The following ZFHX3 variants were observed in gnomAD, a reference collection of about 807,000 sequenced individuals.
ZFHX3 encodes the protein zinc finger homeobox protein 3.
In ZFHX3, 42 loss-of-function variants were observed where a neutral mutation model predicts 279.1. The observed-to-expected ratio is 0.15, with a 90% confidence interval of 0.12 to 0.19. ZFHX3 has a LOEUF of 0.19. ZFHX3 is among the 10% of genes least tolerant of loss of function. ZFHX3 has a pLI of 1.00. For synonymous variants in ZFHX3, 2,293 were observed against 1,957.8 expected (o/e 1.17, Z -4.52); for missense variants, 4,981 against 4,754.0 (o/e 1.05, Z -1.40).
chr16:73,683,030 G>T (rs2053043372), intron 1 of ZFHX3, among the ~76,000 whole-genome samples: 1 of 149,638 alleles, frequency 6.7e-6, no homozygotes, highest in Non-Finnish European at 1.5e-5. Context: ...GGGAGGGAGG[G>T]AGAAGGAAGG....
chr16:73,800,834 C>A (rs781244469), intron 1 of ZFHX3, among the ~76,000 whole-genome samples: 8 of 152,142 alleles, frequency 5.3e-5, no homozygotes, highest in Non-Finnish European at 7.3e-5. Context: ...CAGCACCCAT[C>A]CTTCTGTGTG....
intron 3 of ZFHX3, among the ~76,000 whole-genome samples, chr16:72,916,089 A>T (rs998453833): frequency 6.6e-6 from 1 of 152,222 alleles, no homozygotes; most frequent in Admixed American, 6.5e-5. Context: ...TAAAATAATT[A>T]AGAAGATGTT....
In ZFHX3 at chr16:72,787,877, A is replaced by T. The variant is rs2035501430; in HGVS notation, c.10399T>A (p.Cys3467Ser). ...CTGAAGCCCGCCTGGCACTTGCGGC[A>T]GACCAACTTGTACTGCACCTTTGGA... ...IVPKVQYKLV[C>S]RKCQAGFSDE... Residue 3467 changes from cysteine (C) to serine (S), a missense_variant, in exon 10 of 10, where the codon TGC becomes AGC. Physicochemically the swap from Cys to Ser is moderately radical, Grantham distance 112. This residue lies in a region of ZFHX3 where 1,034 missense variants were observed against 786.0 expected (regional missense o/e 1.32). Transcript: ENST00000268489. 6.2e-7 allele frequency: 1 copy of T among 1,614,022 alleles called. No individual in the cohort carries two copies. The highest frequency in any genetic ancestry group is 8.5e-7 in the Non-Finnish European group (1 of 1,180,006).
chr16:73,081,227 T>C (rs1567658913), intron 8 of ZFHX3: 1 of 151,326 alleles, frequency 6.6e-6, no homozygotes, highest in East Asian at 2.0e-4. Flanking sequence ...TTCCATGAGA[T>C]AAATGAGCAA....
Position 72,787,959 on chromosome 16 carries a change from A to G in ZFHX3, c.10317T>C (p.Pro3439=), listed in dbSNP as rs754303070. 11 of 1,610,822 alleles carry G rather than the reference A, an allele frequency of 6.8e-6. No individual in the cohort carries two copies. The highest frequency in any genetic ancestry group is 2.2e-5 in the South Asian group (2 of 90,856). The change falls in exon 10 of 10, where the codon CCT becomes CCC. Residue 3439 remains proline, a synonymous_variant. Coordinates refer to ENST00000268489, the MANE Select transcript of ZFHX3 (RefSeq NM_006885.4). ...TTTTGCTTTCTGCTTCTGGCTCTTC[A>G]GGGAGTTTCGGCAGGAGGGGGGACA... ...REVSPLLPKL[P]EEPEAESKSA... is the part of the protein sequence containing the mutation.
chr16:73,889,685 C>T (rs2142423220), intron 1 of ZFHX3, among the ~76,000 whole-genome samples: 1 of 152,232 alleles, frequency 6.6e-6, no homozygotes, highest in East Asian at 1.9e-4. Flanking sequence ...GCCTACCGGA[C>T]CCCAGTGTAT....
intron 1 of ZFHX3, among the ~76,000 whole-genome samples, chr16:73,004,445 C>T (rs1417038561): frequency 6.7e-6 from 1 of 150,368 alleles, no homozygotes. Context: ...TCTCCTGCCT[C>T]AGCCTCCCAA....
intron 4 of ZFHX3, among the ~76,000 whole-genome samples, chr16:72,846,778 A>G (rs1229768949): frequency 6.6e-6 from 1 of 152,230 alleles, no homozygotes; most frequent in Non-Finnish European, 1.5e-5. Flanking sequence ...AGATACAGAT[A>G]AAATCTCTTT....
intron 5 of ZFHX3, among the ~76,000 whole-genome samples, chr16:73,200,598 G>A (rs1329391430): frequency 1.3e-5 from 2 of 152,164 alleles, no homozygotes; most frequent in Admixed American, 6.5e-5. Context: ...ATGTCAGACT[G>A]TTTACACAGT....
intron 3 of ZFHX3, among the ~76,000 whole-genome samples, chr16:73,416,687 C>T (rs976688916): frequency 6.6e-6 from 1 of 152,114 alleles, no homozygotes; most frequent in East Asian, 1.9e-4. Context: ...TCCTGGCTAA[C>T]ATGGTGAAAC....
chr16:73,787,837 G>T (rs13330531), intron 1 of ZFHX3, among the ~76,000 whole-genome samples: 1,520 of 150,154 alleles, frequency 0.01, 21 homozygotes, highest in African/African-American at 0.036. Flanking sequence ...GTGTGTGTGT[G>T]TGTGTGTGTG....
chr16:73,795,314 G>A (rs1468003808), intron 1 of ZFHX3, among the ~76,000 whole-genome samples: 4 of 152,130 alleles, frequency 2.6e-5, no homozygotes, highest in South Asian at 2.1e-4. Context: ...CATTCTCTTC[G>A]TTTTGAGGAC....
intron 2 of ZFHX3, among the ~76,000 whole-genome samples, chr16:73,671,424 T>A (rs1028890616): frequency 6.6e-6 from 1 of 152,154 alleles, no homozygotes; most frequent in African/African-American, 2.4e-5. Flanking sequence ...CAGATAAAGA[T>A]GAACCATCAC....
chr16:73,570,473 T>C (rs1026134127), intron 2 of ZFHX3, among the ~76,000 whole-genome samples: 1 of 152,222 alleles, frequency 6.6e-6, no homozygotes, highest in African/African-American at 2.4e-5. Flanking sequence ...TATATCACAC[T>C]TGTAAAAATT....
chr16:73,365,854 T>A (rs2016520501), intron 3 of ZFHX3, among the ~76,000 whole-genome samples: 1 of 152,160 alleles, frequency 6.6e-6, no homozygotes, highest in South Asian at 2.1e-4. Context: ...AGAGGAATGT[T>A]CCAGGCAACG....
intron 2 of ZFHX3, among the ~76,000 whole-genome samples, chr16:73,525,677 G>A (rs771264274): frequency 2.6e-5 from 4 of 152,118 alleles, no homozygotes; most frequent in Non-Finnish European, 4.4e-5. Context: ...AGTCCCTATC[G>A]TTGCCTGTTC....
intron 3 of ZFHX3, among the ~76,000 whole-genome samples, chr16:73,352,221 C>T (rs1470729622): frequency 6.6e-6 from 1 of 152,200 alleles, no homozygotes; most frequent in Non-Finnish European, 1.5e-5. Flanking sequence ...TCCTTGTCCT[C>T]CTGACACCCA....
At chr16:73,195,406 C>G (rs976406897) in intron 5 of ZFHX3, among the ~76,000 whole-genome samples, 1 of 138,656 alleles carries the variant, frequency 7.2e-6, no homozygotes, top group Admixed American at 8.1e-5. Flanking sequence ...ATGGTTGTGT[C>G]TTTACTATTT....
intron 5 of ZFHX3, among the ~76,000 whole-genome samples, chr16:73,157,131 G>A (rs935077350): frequency 6.6e-6 from 1 of 152,168 alleles, no homozygotes; most frequent in Non-Finnish European, 1.5e-5. Flanking sequence ...CCACCCACAG[G>A]AGGGAGGACA....
Sources: gnomAD v4.1 joint callset for allele counts (sites outside exome capture counted in the v4.1 genomes callset) on GRCh38, gnomAD v4.1.1 for gene constraint, gnomAD v4.1.1 regional missense constraint, MANE v1.5 for transcripts, NCBI Gene and HGNC (gene_info 2026-07-23, HGNC 2026-07-21) for gene names.